Variants in METTL25B observed in about 807,000 individuals in gnomAD.
METTL25B encodes the protein methyltransferase-like protein 25B.
A neutral mutation model predicts 48.4 loss-of-function variants in METTL25B; 38 were observed. The observed-to-expected ratio is 0.78, with a 90% CI of 0.61 to 1.03. The LOEUF (loss-of-function observed/expected upper bound fraction) is 1.03, where lower values mean the gene tolerates loss of function less well. Among genes scored for constraint, METTL25B ranks in the 50% least tolerant of loss-of-function variants. METTL25B has a pLI of 0.00. For missense variants in METTL25B, 537 were observed against 603.7 expected (o/e 0.89, Z 1.16); for synonymous variants, 230 against 254.5 (o/e 0.90, Z 0.92).
chr1:156,733,445 A>T lies in METTL25B; in HGVS notation c.561A>T (p.Arg187Ser), dbSNP rs1649459591. The T allele has an allele frequency of 8.7e-6, 14 of 1,613,934 alleles. No individual in the cohort carries two copies. In the East Asian group the frequency reaches 3.1e-4, roughly 36 times the overall value. The part of the protein sequence containing the change: ...LMVKSIEGDQ[R>S]LVERAQRLDQ... ...TGAAGAGCATCGAAGGGGATCAGAG[A>T]CTGGTGGAGAGAGCCCAGCGCCTGG... is the stretch of plus-strand genomic sequence containing the variant. Residue 187 changes from arginine to serine, a missense_variant, in exon 5 of 8, where the codon AGA (arginine) becomes AGT (serine). Transcript: ENST00000368216.
chr1:156,729,466 C>T (rs1333789850), intron 1 of METTL25B: 1 of 323,948 alleles, frequency 3.1e-6, no homozygotes, highest in East Asian at 7.3e-5. Flanking sequence ...TCGCTCTGTC[C>T]CCCAGGCTGG....
Position 156,736,881 on chromosome 1 carries a change from C to A in METTL25B, c.*128C>A, listed in dbSNP as rs1649861740. On this transcript the variant is annotated 3_prime_UTR_variant, in exon 8 of 8. Coordinates refer to ENST00000368216, the MANE Select transcript of METTL25B (RefSeq NM_015997.4). ...GAGTCCTGGTTCCTTCAGTTTCATCCCCTTTCTCTCCTTCCATGGATTATG... is the reference window on the plus strand; with the variant it reads ...GAGTCCTGGTTCCTTCAGTTTCATCACCTTTCTCTCCTTCCATGGATTATG... The A allele has an allele frequency of 1.2e-6, 1 of 816,526 alleles. No homozygotes were observed. 50.6% of individuals were successfully genotyped at this position (816,526 alleles called of 1,614,324 possible).
rs374051320 is a variant in METTL25B, at chr1:156,734,169, C to A, written c.797C>A (p.Ala266Asp). The change falls in exon 6 of 8, where the codon GCC (alanine) becomes GAC (aspartate). Residue 266 changes from alanine to aspartate, a missense_variant. By Grantham distance (126) the Ala-to-Asp change is moderately radical. Transcript: ENST00000368216. ...CACGCCTGTGGGGATCTGAGTGTTG[C>A]CTTGCTGAGACACTTCTCCTGCTGT... ...GLHACGDLSV[A>D]LLRHFSCCPE... is the part of the protein sequence containing the mutation. 3.7e-6 allele frequency: 6 copies of A among 1,614,100 alleles called. No individual in the cohort carries two copies. The African/African-American group carries it at 8.0e-5, about 22-fold the overall frequency.
At chr1:156,733,706 A>G (rs933339052) in intron 5 of METTL25B, 186 bp downstream of exon 5, 11 of 697,682 alleles carry the variant, frequency 1.6e-5, no homozygotes, top group African/African-American at 5.4e-5. Flanking sequence ...GTTACTTTCT[A>G]TTTACAAAGT....
At position 156,734,412 on chromosome 1, in the gene METTL25B, C is replaced by G; in HGVS notation, c.1040C>G (p.Thr347Arg). 6.2e-7 allele frequency: 1 copy of G among 1,612,380 alleles called. No individual in the cohort carries two copies. The highest frequency in any genetic ancestry group is 8.5e-7 in the Non-Finnish European group (1 of 1,179,258). ...CACTGCTACCGTGCAGCACTGGAGACAGTCATCCGACGGGCCCGGCCCGAG... is the reference window on the plus strand; with the variant it reads ...CACTGCTACCGTGCAGCACTGGAGAGAGTCATCCGACGGGCCCGGCCCGAG... ...RTHCYRAALE[T>R]VIRRARPELR... Residue 347 changes from threonine to arginine, a missense_variant, in exon 6 of 8, where the codon ACA becomes AGA. By Grantham distance (71) the Thr-to-Arg change is moderately conservative (BLOSUM62 -1). Transcript: ENST00000368216.
At chr1:156,736,000 C>A (rs1649758351) in intron 7 of METTL25B, 91 bp downstream of exon 7, 2 of 1,122,988 alleles carry the variant, frequency 1.8e-6, no homozygotes, top group African/African-American at 1.5e-5. Context: ...ATCTTCTGGG[C>A]CTAGCTAATC....
In METTL25B at chr1:156,733,434, G is replaced by A. The variant is rs200974110; in HGVS notation, c.550G>A (p.Gly184Arg). The change falls in exon 5 of 8, where the codon GGG (glycine) becomes AGG (arginine). Residue 184 changes from glycine (G) to arginine (R), a missense_variant. Coordinates refer to ENST00000368216, the MANE Select transcript of METTL25B (RefSeq NM_015997.4). The part of the protein sequence containing the change: ...GLGLMVKSIE[G>R]DQRLVERAQR... ...GGGGTTGATGGTGAAGAGCATCGAA[G>A]GGGATCAGAGACTGGTGGAGAGAGC... 3 of 1,613,948 alleles carry A rather than the reference G, an allele frequency of 1.9e-6. No homozygotes were observed. The highest frequency in any genetic ancestry group is 2.5e-6 in the Non-Finnish European group (3 of 1,179,986).
chr1:156,729,118 C>G lies in METTL25B; in HGVS notation c.14C>G (p.Ser5Cys). Residue 5 changes from serine to cysteine, a missense_variant, in exon 1 of 8, where the codon TCC becomes TGC. Coordinates refer to ENST00000368216, the MANE Select transcript of METTL25B (RefSeq NM_015997.4). ...CTGGACCCCGGGATGCCGGGCATCT[C>G]CGCCCGAGGCCTCTCTCATGAGGGG... MPGI[S>C]ARGLSHEGRK... 1 of 1,606,908 alleles carries G rather than the reference C, an allele frequency of 6.2e-7. No individual in the cohort carries two copies. The highest frequency in any genetic ancestry group is 1.1e-5 in the South Asian group (1 of 90,520).
rs146937905 is a variant in METTL25B at position 156,729,902 on chromosome 1, C to T, written c.111+687C>T. Among the ~76,000 whole-genome samples, 83 of 152,322 alleles carry T rather than the reference C, an allele frequency of 5.4e-4. 1 individual carries two copies. Among genetic ancestry groups the T allele is most frequent in the African/African-American group, 1.8e-3 (74 of 41,558 alleles). ...CACTGAATTGTTTAGACCACAAACC[C>T]AGAGGCCATCATTGATTCAGTGCTG... On this transcript the variant is annotated intron_variant, in intron 1 of 7. Coordinates refer to ENST00000368216, the MANE Select transcript of METTL25B (RefSeq NM_015997.4).
chr1:156,733,639 T>C, intron 5 of METTL25B, 119 bp downstream of exon 5: 1 of 1,095,684 alleles, frequency 9.1e-7, no homozygotes, highest in Non-Finnish European at 1.3e-6. Context: ...TGGTCCCTAA[T>C]TTCTATTACC....
rs1648942015 is a variant in METTL25B, at chr1:156,728,645, G to A, written c.-460G>A. The A allele has an allele frequency of 9.1e-6, 9 of 986,262 alleles. No individual in the cohort carries two copies. The highest frequency in any genetic ancestry group is 4.6e-5 in the South Asian group (1 of 21,774). 61.1% of individuals were successfully genotyped at this position (986,262 alleles called of 1,614,324 possible). On this transcript the variant is annotated 5_prime_UTR_variant, in exon 1 of 8. The change abolishes an upstream ATG in the 5' untranslated region. Coordinates refer to ENST00000368216, the MANE Select transcript of METTL25B (RefSeq NM_015997.4). ...GCGTGGGTGGGGGCGGGGGCGGGAT[G>A]CGCTCCCCGGCCCCTCTAGCCCCGT...
intron 2 of METTL25B, 39 bp from the exon 3 acceptor site, chr1:156,732,242 T>A: frequency 6.2e-7 from 1 of 1,611,204 alleles, no homozygotes; most frequent in South Asian, 1.1e-5. Context: ...TCAGATGTGA[T>A]GGGACTATTC....
chr1:156,728,482 G>A lies in METTL25B; in HGVS notation c.-623G>A, dbSNP rs1356611928. 3.0e-6 allele frequency: 3 copies of A among 985,522 alleles called. No individual in the cohort carries two copies. Among genetic ancestry groups the A allele is most frequent in the African/African-American group, 3.5e-5 (2 of 57,248 alleles). The allele number at this position is 985,522 out of a possible 1,614,324, so 61.0% of individuals were successfully genotyped here. On this transcript the variant is annotated 5_prime_UTR_variant, in exon 1 of 8. Coordinates refer to ENST00000368216, the MANE Select transcript of METTL25B (RefSeq NM_015997.4). Reference sequence around the variant, plus strand: ...GATGCGGAAATCGGTGCGCGCCGACGAAGCCCGGGAAGGCAGGCGCGCGGG... The same window carrying A: ...GATGCGGAAATCGGTGCGCGCCGACAAAGCCCGGGAAGGCAGGCGCGCGGG...
In METTL25B at chr1:156,732,115, G is replaced by C. The variant is rs1396422355; in HGVS notation, c.236G>C (p.Arg79Thr). 1.2e-6 allele frequency: 2 copies of C among 1,614,098 alleles called. No homozygotes were observed. The highest frequency in any genetic ancestry group is 1.7e-6 in the Non-Finnish European group (2 of 1,180,036). Residue 79 changes from arginine to threonine, a missense_variant and splice_region_variant, in exon 2 of 8, where the codon AGG (arginine) becomes ACG (threonine). Transcript: ENST00000368216. ...ATGCCTGGGGAAGGGGAGGTCGTCA[G>C]GTATGGGCTAGAAGGTCCCTGTGCT... ...LGMPGEGEVV[R>T]YRSVWPLTLL...
intron 1 of METTL25B, among the ~76,000 whole-genome samples, chr1:156,730,584 T>C (rs1250322990): frequency 7.0e-6 from 1 of 143,798 alleles, no homozygotes; most frequent in Admixed American, 6.9e-5. Flanking sequence ...AATAAAAAAA[T>C]AGCTAGGCTT....
rs774588183 is a variant in METTL25B at position 156,732,405 on chromosome 1, C to T, written c.361C>T (p.Arg121Ter). The T allele has an allele frequency of 6.8e-6, 11 of 1,614,034 alleles. No individual in the cohort carries two copies. The highest frequency in any genetic ancestry group is 1.6e-4 in the Middle Eastern group (1 of 6,084). Residue 121 changes from arginine (R) to a stop codon, truncating the protein, a stop_gained, in exon 3 of 8, where the codon CGA becomes TGA. Coordinates refer to ENST00000368216, the MANE Select transcript of METTL25B (RefSeq NM_015997.4). LOFTEE classifies it high-confidence loss of function. ...CCTGGAGAACCCCAGCCAGAGCTCCCGACTAACAGCTCCATTCCGGAAACA... is the reference window on the plus strand; with the variant it reads ...CCTGGAGAACCCCAGCCAGAGCTCCTGACTAACAGCTCCATTCCGGAAACA... Reference protein sequence around the residue: ...EFLENPSQSSRLTAPFRKHVR... With the variant: ...EFLENPSQSS
intron 6 of METTL25B, among the ~76,000 whole-genome samples, chr1:156,735,161 C>T (rs532435452): frequency 7.9e-5 from 12 of 151,728 alleles, no homozygotes; most frequent in South Asian, 4.2e-4. Context: ...TGGAGGCATG[C>T]GCCTGTAATC....
intron 1 of METTL25B, among the ~76,000 whole-genome samples, chr1:156,729,922 G>A (rs1032524174): frequency 6.6e-6 from 1 of 152,214 alleles, no homozygotes; most frequent in Non-Finnish European, 1.5e-5. Flanking sequence ...CATTGATTCA[G>A]TGCTGTCCTT....
intron 1 of METTL25B, among the ~76,000 whole-genome samples, chr1:156,731,741 TA>T (rs1452821879): frequency 1.3e-5 from 2 of 152,132 alleles, no homozygotes; most frequent in Admixed American, 6.5e-5. Flanking sequence ...CAGAAATTGC[TA>T]AAAGAAGTGT....
Sources: gnomAD v4.1 joint callset for allele counts (sites outside exome capture counted in the v4.1 genomes callset) on GRCh38, gnomAD v4.1.1 for gene constraint, MANE v1.5 for transcripts, NCBI Gene and HGNC (gene_info 2026-07-23, HGNC 2026-07-21) for gene names.